NOL4: variants seen among roughly 807,000 people sequenced by gnomAD.
The protein encoded by NOL4 is nucleolar protein 4, also known as cancer/testis antigen 125.
In NOL4, 17 loss-of-function variants were observed where a neutral mutation model predicts 75.9. The observed-to-expected ratio is 0.22, with a 90% CI of 0.15 to 0.34. The LOEUF (loss-of-function observed/expected upper bound fraction) is 0.34. Among genes scored for constraint, NOL4 ranks in the 10% least tolerant of loss-of-function variants. The pLI, the probability that NOL4 is intolerant of heterozygous loss-of-function variation, is 1.00. For synonymous variants in NOL4, 292 were observed against 289.9 expected, an observed-to-expected ratio of 1.01 and a Z score of -0.07; for missense variants, 614 against 793.5, an observed-to-expected ratio of 0.77 and a Z score of 2.72.
Position 34,089,585 on chromosome 18 carries a change from C to T in NOL4, c.772+3880G>A, listed in dbSNP as rs529884809. Among the ~76,000 whole-genome samples the T allele has an allele frequency of 1.2e-4, 19 of 152,282 alleles. No individual in the cohort carries two copies. In the South Asian group the frequency reaches 1.4e-3, roughly 12 times the overall value. On this transcript the variant is annotated intron_variant, in intron 5 of 10. Coordinates refer to ENST00000261592, the MANE Select transcript of NOL4 (RefSeq NM_003787.5). ...TACTCAATAGCCACAATGTGGAGAG[C>T]GACTATCAAGTTGGACAGTGTAACT...
intron 10 of NOL4, among the ~76,000 whole-genome samples, chr18:33,867,203 TC>T (rs2063473617): frequency 6.6e-6 from 1 of 152,186 alleles, no homozygotes; most frequent in Admixed American, 6.6e-5. Context: ...ACCTGGGTTT[TC>T]CACTTGCTAA....
chr18:34,035,010 G>A (rs1467359098), intron 5 of NOL4, among the ~76,000 whole-genome samples: 1 of 151,636 alleles, frequency 6.6e-6, no homozygotes, highest in Non-Finnish European at 1.5e-5. Context: ...TCTAAAACAA[G>A]AATAGTGGGA....
At chr18:33,929,445 C>A (rs552248042) in intron 9 of NOL4, among the ~76,000 whole-genome samples, 1 of 152,298 alleles carries the variant, frequency 6.6e-6, no homozygotes, top group African/African-American at 2.4e-5. Context: ...CTGGCTCTCA[C>A]AGCAATCTGA....
At chr18:33,856,356 T>G (rs942111094) in intron 10 of NOL4, among the ~76,000 whole-genome samples, 1 of 152,104 alleles carries the variant, frequency 6.6e-6, no homozygotes. Flanking sequence ...TATGGAAATA[T>G]TATTATTGCC....
chr18:34,147,332 C>T (rs1009680738), intron 1 of NOL4, among the ~76,000 whole-genome samples: 1 of 152,084 alleles, frequency 6.6e-6, no homozygotes, highest in African/African-American at 2.4e-5. Flanking sequence ...TTTGCCCATT[C>T]AGTATGATAT....
At chr18:34,164,111 G>A (rs1042915455) in intron 1 of NOL4, among the ~76,000 whole-genome samples, 2 of 152,074 alleles carry the variant, frequency 1.3e-5, no homozygotes, top group Non-Finnish European at 2.9e-5. Context: ...TAAAGACTTA[G>A]ACGTTAGACC....
At chr18:33,930,771 AAATTT>A (rs547398804) in intron 9 of NOL4, among the ~76,000 whole-genome samples, 220 of 152,292 alleles carry the variant, frequency 1.4e-3, no homozygotes, top group Admixed American at 5.2e-3. Flanking sequence ...TATCAAACAG[AAATTT>A]AATTTATGAT....
intron 1 of NOL4, among the ~76,000 whole-genome samples, chr18:34,146,729 A>C (rs764198738): frequency 2.1e-4 from 32 of 150,752 alleles, no homozygotes; most frequent in Non-Finnish European, 3.7e-4. Flanking sequence ...AATTTAAAGT[A>C]GTTTTTTTTT....
intron 4 of NOL4, among the ~76,000 whole-genome samples, chr18:34,100,205 A>G (rs1163535612): frequency 6.6e-6 from 1 of 152,150 alleles, no homozygotes; most frequent in Non-Finnish European, 1.5e-5. Context: ...TATTAATGCC[A>G]AGGATATTGC....
intron 2 of NOL4, among the ~76,000 whole-genome samples, chr18:34,107,551 C>A (rs1023055334): frequency 2.6e-5 from 4 of 151,798 alleles, no homozygotes; most frequent in Admixed American, 6.6e-5. Context: ...TTCTTCCCCA[C>A]CTCATATTCA....
chr18:33,943,255 C>CA, intron 8 of NOL4, 77 bp from the exon 9 acceptor site: 1 of 887,822 alleles, frequency 1.1e-6, no homozygotes, highest in Non-Finnish European at 1.8e-6. Flanking sequence ...CTCAGAAGAG[C>CA]TCTCAGGATC....
At chr18:33,910,779 G>C (rs2066349282) in intron 9 of NOL4, among the ~76,000 whole-genome samples, 1 of 152,000 alleles carries the variant, frequency 6.6e-6, no homozygotes, top group African/African-American at 2.4e-5. Context: ...GGTGTGGTTT[G>C]GCTAGTATTC....
intron 1 of NOL4, among the ~76,000 whole-genome samples, chr18:34,188,761 C>T: frequency 6.6e-6 from 1 of 152,062 alleles, no homozygotes; most frequent in East Asian, 1.9e-4. Context: ...ATCATTTTCC[C>T]AACATTGTAC....
intron 1 of NOL4, among the ~76,000 whole-genome samples, chr18:34,139,307 T>C (rs562517223): frequency 1.3e-5 from 2 of 152,358 alleles, no homozygotes; most frequent in East Asian, 1.9e-4. Flanking sequence ...TGTCTGGTCC[T>C]GGACTTTTTT....
At chr18:33,920,785 C>G (rs1476799006) in intron 9 of NOL4, among the ~76,000 whole-genome samples, 1 of 152,142 alleles carries the variant, frequency 6.6e-6, no homozygotes, top group Non-Finnish European at 1.5e-5. Context: ...AAATTTTATA[C>G]CAGCAGAAAA....
At chr18:34,150,469 C>G (rs2081592995) in intron 1 of NOL4, among the ~76,000 whole-genome samples, 1 of 151,504 alleles carries the variant, frequency 6.6e-6, no homozygotes, top group Non-Finnish European at 1.5e-5. Context: ...GACAAAGGAG[C>G]AACAGCAATA....
chr18:34,105,061 T>C lies in NOL4; in HGVS notation c.514A>G (p.Thr172Ala). Reference sequence around the variant, plus strand: ...ACACTGCAGCTACCTTTATGATCTGTTCCATCTGGGTTTAAATGCATTCTT... The same window carrying C: ...ACACTGCAGCTACCTTTATGATCTGCTCCATCTGGGTTTAAATGCATTCTT... ...QKRMHLNPDG[T>A]DHKDNGKPPT... Residue 172 changes from threonine (T) to alanine (A), a missense_variant, in exon 3 of 11, where the codon ACA becomes GCA. Thr to Ala is a moderately conservative substitution (Grantham distance 58). Around this residue, in one of 9 missense-constraint regions of NOL4, gnomAD observed 135 missense variants for 220.4 expected, o/e 0.61. Transcript: ENST00000261592. 2 of 1,604,564 alleles carry C rather than the reference T, an allele frequency of 1.2e-6. No homozygotes were observed. Among genetic ancestry groups the C allele is most frequent in the Admixed American group, 1.7e-5 (1 of 59,904 alleles).
chr18:33,933,898 T>C (rs937564432), intron 9 of NOL4, among the ~76,000 whole-genome samples: 2 of 152,134 alleles, frequency 1.3e-5, no homozygotes, highest in African/African-American at 4.8e-5. Context: ...GAATGGTGAA[T>C]CCTTTTCAAA....
intron 1 of NOL4, among the ~76,000 whole-genome samples, chr18:34,162,293 C>T (rs190510639): frequency 2.6e-5 from 4 of 152,130 alleles, no homozygotes; most frequent in Admixed American, 1.3e-4. Context: ...ATTAATGAAT[C>T]GAGGAGATGG....
Sources: gnomAD v4.1 joint callset for allele counts (sites outside exome capture counted in the v4.1 genomes callset) on GRCh38, gnomAD v4.1.1 for gene constraint, gnomAD v4.1.1 regional missense constraint, MANE v1.5 for transcripts, NCBI Gene and HGNC (gene_info 2026-07-23, HGNC 2026-07-21) for gene names.